ANTXR1: variants seen among roughly 807,000 people sequenced by gnomAD.
ANTXR1 encodes the protein anthrax toxin receptor 1.
Under a neutral mutation model 78.1 loss-of-function variants are expected in ANTXR1, and 19 were observed. The observed-to-expected ratio is 0.24, with a 90% CI of 0.17 to 0.36. The LOEUF is 0.36. Among genes scored for constraint, ANTXR1 ranks in the 10% least tolerant of loss-of-function variants. The pLI, the probability that ANTXR1 is intolerant of heterozygous loss-of-function variation, is 1.00. For missense variants in ANTXR1, 518 were observed against 718.6 expected (o/e 0.72, Z 3.19); for synonymous variants, 273 against 260.5 (o/e 1.05, Z -0.46).
Position 69,249,001 on chromosome 2 carries a change from C to A in ANTXR1, c.*3516C>A, listed in dbSNP as rs1676079128. 1 of 152,174 alleles carries A rather than the reference C, an allele frequency of 6.6e-6. No homozygotes were observed. Among genetic ancestry groups the A allele is most frequent in the Non-Finnish European group, 1.5e-5 (1 of 68,024 alleles). The allele number at this position is 152,174 out of a possible 1,614,324, so 9.4% of individuals were successfully genotyped here. On this transcript the variant is annotated 3_prime_UTR_variant, in exon 18 of 18. Coordinates refer to ENST00000303714, the MANE Select transcript of ANTXR1 (RefSeq NM_032208.3). ...CTTAACATTAAACTCTTCTAACTTT[C>A]TTCTTTCTGTGATAATTCAGAAGAT...
chr2:69,222,948 G>A (rs544841658), intron 17 of ANTXR1, among the ~76,000 whole-genome samples: 1 of 152,312 alleles, frequency 6.6e-6, no homozygotes, highest in African/African-American at 2.4e-5. Flanking sequence ...AGATATGAGG[G>A]GAGGTGGCAT....
chr2:69,047,399 A>G (rs1669801597), intron 3 of ANTXR1, among the ~76,000 whole-genome samples: 1 of 152,118 alleles, frequency 6.6e-6, no homozygotes, highest in Non-Finnish European at 1.5e-5. Flanking sequence ...TTATCCTCAT[A>G]TAACCATTGT....
intron 10 of ANTXR1, among the ~76,000 whole-genome samples, chr2:69,116,833 A>G (rs1051319085): frequency 4.6e-5 from 7 of 152,198 alleles, no homozygotes; most frequent in African/African-American, 1.7e-4. Context: ...AAGTATTTGG[A>G]TTATTTAATC....
Position 69,145,378 on chromosome 2 carries a change from A to T in ANTXR1, c.952-6791A>T, listed in dbSNP as rs532926991. 3.1e-6 allele frequency: 5 copies of T among 1,597,238 alleles called. No homozygotes were observed. In the African/African-American group the frequency reaches 4.0e-5, roughly 13 times the overall value. ...ACAACAGCTGCTTGCATGGAATAGC[A>T]GAGAATACCGCCTGCTCCCTCCGGA... On this transcript the variant is annotated intron_variant, in intron 12 of 17. Coordinates refer to ENST00000303714, the MANE Select transcript of ANTXR1 (RefSeq NM_032208.3).
intron 12 of ANTXR1, among the ~76,000 whole-genome samples, chr2:69,135,599 T>C (rs1300781303): frequency 3.9e-5 from 6 of 152,174 alleles, no homozygotes; most frequent in Non-Finnish European, 8.8e-5. Context: ...GCTATATTAA[T>C]ATTTGATAAC....
At chr2:69,116,215 C>T (rs1672139094) in intron 10 of ANTXR1, among the ~76,000 whole-genome samples, 1 of 152,166 alleles carries the variant, frequency 6.6e-6, no homozygotes, top group Admixed American at 6.5e-5. Context: ...TCAGCAATGG[C>T]TCCCATTTTG....
At chr2:69,162,170 A>G (rs1036085078) in intron 13 of ANTXR1, among the ~76,000 whole-genome samples, 1 of 152,238 alleles carries the variant, frequency 6.6e-6, no homozygotes, top group Non-Finnish European at 1.5e-5. Flanking sequence ...CAGGGCCCAA[A>G]TAAAGCAGGA....
intron 9 of ANTXR1, among the ~76,000 whole-genome samples, chr2:69,097,523 G>A (rs1252521617): frequency 3.3e-5 from 5 of 152,162 alleles, no homozygotes; most frequent in Non-Finnish European, 5.9e-5. Flanking sequence ...ATTGTTTTTC[G>A]AAGCATTCAT....
intron 8 of ANTXR1, among the ~76,000 whole-genome samples, chr2:69,087,791 C>T (rs1263329125): frequency 6.6e-6 from 1 of 152,190 alleles, no homozygotes; most frequent in Non-Finnish European, 1.5e-5. Context: ...CCCACACAGT[C>T]TCCAGTCCCT....
intron 1 of ANTXR1, among the ~76,000 whole-genome samples, chr2:69,036,777 G>A (rs1669441464): frequency 1.3e-5 from 2 of 152,172 alleles, no homozygotes; most frequent in Non-Finnish European, 2.9e-5. Context: ...TGGCTTATAG[G>A]CAGTCATGTG....
At chr2:69,175,774 C>T (rs1321496489) in intron 14 of ANTXR1, among the ~76,000 whole-genome samples, 3 of 152,108 alleles carry the variant, frequency 2.0e-5, no homozygotes, top group Admixed American at 6.5e-5. Flanking sequence ...CTATTGAAAG[C>T]ATTGATGCCC....
Position 69,114,919 on chromosome 2 carries a change from T to C in ANTXR1, c.803-8098T>C, listed in dbSNP as rs569023924. 4.6e-5 allele frequency among the ~76,000 whole-genome samples: 7 copies of C among 152,342 alleles called. No homozygotes were observed. In the South Asian group the frequency reaches 1.4e-3, roughly 32 times the overall value. ...TTTTCTGGGCATTACACCAGTACCCTGCAGGCATGAACTACAGAGTTATAT... is the reference window on the plus strand; with the variant it reads ...TTTTCTGGGCATTACACCAGTACCCCGCAGGCATGAACTACAGAGTTATAT... On this transcript the variant is annotated intron_variant, in intron 10 of 17. Coordinates refer to ENST00000303714, the MANE Select transcript of ANTXR1 (RefSeq NM_032208.3).
intron 13 of ANTXR1, 55 bp downstream of exon 13, chr2:69,152,319 G>A: frequency 6.5e-7 from 1 of 1,539,698 alleles, no homozygotes; most frequent in Non-Finnish European, 9.0e-7. Flanking sequence ...AAAGTTCACA[G>A]ACCATGAGTA....
At chr2:69,199,237 T>C (rs1008066943) in intron 17 of ANTXR1, among the ~76,000 whole-genome samples, 4 of 152,204 alleles carry the variant, frequency 2.6e-5, no homozygotes, top group South Asian at 2.1e-4. Context: ...TCAGAAGTTC[T>C]GGGGTGGAGC....
intron 1 of ANTXR1, among the ~76,000 whole-genome samples, chr2:69,022,385 A>G (rs1029829881): frequency 6.6e-6 from 1 of 152,358 alleles, no homozygotes; most frequent in Middle Eastern, 3.4e-3. Context: ...TGTGATGACC[A>G]ATAAATAACA....
chr2:69,044,719 A>G (rs775788278), intron 2 of ANTXR1, 23 bp from the exon 3 acceptor site: 2 of 1,613,044 alleles, frequency 1.2e-6, no homozygotes, highest in South Asian at 1.1e-5. Context: ...GTCTGTCCTA[A>G]TAGAGCTTCT....
At chr2:69,062,568 G>A (rs561421720) in intron 3 of ANTXR1, among the ~76,000 whole-genome samples, 38 of 152,238 alleles carry the variant, frequency 2.5e-4, no homozygotes, top group African/African-American at 7.0e-4. Flanking sequence ...TCAGCCCCTC[G>A]CCCTAGCTCA....
intron 10 of ANTXR1, among the ~76,000 whole-genome samples, chr2:69,112,229 A>T (rs1672012604): frequency 1.3e-5 from 2 of 152,134 alleles, no homozygotes; most frequent in African/African-American, 4.8e-5. Context: ...CTCCTGTATT[A>T]TCTCATTTCA....
chr2:69,096,290 G>GGAAGGAAAGA (rs1558541091), intron 9 of ANTXR1, among the ~76,000 whole-genome samples: 1 of 18,908 alleles, frequency 5.3e-5, no homozygotes, highest in Admixed American at 5.7e-4. Flanking sequence ...GGAAGGAAGG[G>GGAAGGAAAGA]AGGAAGGGAG....
Sources: gnomAD v4.1 joint callset for allele counts (sites outside exome capture counted in the v4.1 genomes callset) on GRCh38, gnomAD v4.1.1 for gene constraint, MANE v1.5 for transcripts, NCBI Gene and HGNC (gene_info 2026-07-23, HGNC 2026-07-21) for gene names.